The following AUTS2 variants were observed in gnomAD, a reference collection of about 807,000 sequenced individuals.
AUTS2 encodes the protein autism susceptibility gene 2 protein.
AUTS2 carries 17 observed loss-of-function variants against 112.4 expected under a neutral mutation model. That is an observed-to-expected ratio of 0.15 (90% CI 0.10 to 0.23). The LOEUF (loss-of-function observed/expected upper bound fraction) is 0.23. AUTS2 is among the 10% of genes least tolerant of loss of function. The pLI, the probability that AUTS2 is intolerant of heterozygous loss-of-function variation, is 1.00. For missense variants in AUTS2, 1,510 were observed against 1,701.6 expected (o/e 0.89, Z 1.98); for synonymous variants, 751 against 702.7 (o/e 1.07, Z -1.09).
chr7:70,117,117 GTTTTTTTTTGT>G (rs1262358284), intron 2 of AUTS2, among the ~76,000 whole-genome samples: 10 of 73,104 alleles, frequency 1.4e-4, no homozygotes, highest in African/African-American at 5.2e-4. Flanking sequence ...TTTTTTTTTT[GTTTTTTTTTGT>G]TTTTTTTTGT....
chr7:69,851,228 T>TA (rs1439542309), intron 1 of AUTS2, among the ~76,000 whole-genome samples: 1 of 152,200 alleles, frequency 6.6e-6, no homozygotes, highest in Non-Finnish European at 1.5e-5. Flanking sequence ...GCCAGTCCCT[T>TA]ACTGTATTGA....
intron 5 of AUTS2, among the ~76,000 whole-genome samples, chr7:70,439,867 C>T (rs1585147115): frequency 6.6e-6 from 1 of 152,142 alleles, no homozygotes; most frequent in Non-Finnish European, 1.5e-5. Context: ...GATTAAAAGT[C>T]ATTCCCTGTT....
rs561605574 is a variant in AUTS2 at position 70,446,564 on chromosome 7, G to A, written c.690+10783G>A. Among the ~76,000 whole-genome samples, 20 of 152,280 alleles carry A rather than the reference G, an allele frequency of 1.3e-4. 1 individual carries two copies. The highest frequency in any genetic ancestry group is 2.4e-4 in the African/African-American group (10 of 41,556). On this transcript the variant is annotated intron_variant, in intron 5 of 18. Transcript: ENST00000342771. The stretch of plus-strand genomic sequence containing the variant: ...TGGGTTAGTTGAAGTGATATTTTCC[G>A]CTAATGGTAGTCGTACATCATTGCT...
chr7:69,891,289 C>T (rs1026279902), intron 1 of AUTS2, among the ~76,000 whole-genome samples: 2 of 152,182 alleles, frequency 1.3e-5, no homozygotes, highest in African/African-American at 4.8e-5. Flanking sequence ...GAGACGTATT[C>T]ATGCCACCTG....
At chr7:70,106,820 A>C (rs1285709095) in intron 2 of AUTS2, among the ~76,000 whole-genome samples, 1 of 152,192 alleles carries the variant, frequency 6.6e-6, no homozygotes. Context: ...AGTGATTGTT[A>C]GTACACATTT....
chr7:69,918,444 C>T (rs923973999), intron 2 of AUTS2, among the ~76,000 whole-genome samples: 14 of 151,990 alleles, frequency 9.2e-5, no homozygotes, highest in African/African-American at 2.7e-4. Flanking sequence ...TTCATTGTTA[C>T]GAGGTAACTT....
intron 2 of AUTS2, among the ~76,000 whole-genome samples, chr7:70,003,210 ATATAT>A (rs1799289751): frequency 7.4e-6 from 1 of 134,332 alleles, no homozygotes; most frequent in African/African-American, 2.8e-5. Context: ...TTATATATGA[ATATAT>A]TATATATGAA....
chr7:70,605,711 A>G (rs1266727802), intron 5 of AUTS2, among the ~76,000 whole-genome samples: 4 of 151,978 alleles, frequency 2.6e-5, no homozygotes, highest in Non-Finnish European at 5.9e-5. Context: ...AAAATACAAC[A>G]TAGCGATGAA....
chr7:69,901,964 TACA>T (rs1794985649), intron 2 of AUTS2, among the ~76,000 whole-genome samples: 1 of 152,180 alleles, frequency 6.6e-6, no homozygotes, highest in African/African-American at 2.4e-5. Context: ...ATAACACAAA[TACA>T]GTGTTGTAAA....
At chr7:69,950,649 A>G (rs906323384) in intron 2 of AUTS2, among the ~76,000 whole-genome samples, 12 of 152,114 alleles carry the variant, frequency 7.9e-5, no homozygotes, top group Admixed American at 5.2e-4. Flanking sequence ...TGATCACCTT[A>G]TACCCAAGCA....
intron 1 of AUTS2, among the ~76,000 whole-genome samples, chr7:69,770,761 T>G (rs190002254): frequency 3.9e-5 from 6 of 151,948 alleles, no homozygotes; most frequent in Admixed American, 2.0e-4. Flanking sequence ...TAGCTTGTCT[T>G]TCATTACTTT....
chr7:70,122,099 G>A (rs539497173), intron 3 of AUTS2, among the ~76,000 whole-genome samples: 19 of 152,298 alleles, frequency 1.2e-4, no homozygotes, highest in South Asian at 8.3e-4. Context: ...GACAAATATT[G>A]TATGATTCCA....
chr7:70,259,950 G>T (rs1406703821), intron 4 of AUTS2, among the ~76,000 whole-genome samples: 1 of 145,270 alleles, frequency 6.9e-6, no homozygotes, highest in Non-Finnish European at 1.5e-5. Context: ...GGTTAAAACT[G>T]TGAATCAAGA....
At chr7:69,755,763 G>A (rs976597735) in intron 1 of AUTS2, among the ~76,000 whole-genome samples, 4 of 152,110 alleles carry the variant, frequency 2.6e-5, no homozygotes, top group Non-Finnish European at 4.4e-5. Context: ...CTAGAGCTTT[G>A]CCTTTGACTT....
chr7:70,378,992 C>A (rs539880226), intron 4 of AUTS2, among the ~76,000 whole-genome samples: 5 of 152,056 alleles, frequency 3.3e-5, no homozygotes, highest in African/African-American at 1.2e-4. Flanking sequence ...CCATTTTATT[C>A]GTATCTCTTC....
chr7:69,964,297 G>A (rs1040085255), intron 2 of AUTS2, among the ~76,000 whole-genome samples: 2 of 152,146 alleles, frequency 1.3e-5, no homozygotes, highest in Non-Finnish European at 2.9e-5. Flanking sequence ...TCACTGTAGT[G>A]TTTGATCCAG....
At chr7:70,500,914 G>T (rs1447317182) in intron 5 of AUTS2, among the ~76,000 whole-genome samples, 1 of 151,888 alleles carries the variant, frequency 6.6e-6, no homozygotes, top group Non-Finnish European at 1.5e-5. Flanking sequence ...GTAGAGATGG[G>T]GTTTCACCAT....
chr7:69,855,400 C>T (rs888396122), intron 1 of AUTS2, among the ~76,000 whole-genome samples: 18 of 152,218 alleles, frequency 1.2e-4, no homozygotes, highest in Admixed American at 1.0e-3. Flanking sequence ...AGAAACCTGA[C>T]ACCTGTAGAG....
chr7:70,765,160 C>T (rs1304563226), intron 8 of AUTS2, among the ~76,000 whole-genome samples, 155 bp downstream of exon 8: 1 of 152,128 alleles, frequency 6.6e-6, no homozygotes, highest in Non-Finnish European at 1.5e-5. Flanking sequence ...GGCCTGAGGT[C>T]CAGCAAAAAT....
Sources: gnomAD v4.1 joint callset for allele counts (sites outside exome capture counted in the v4.1 genomes callset) on GRCh38, gnomAD v4.1.1 for gene constraint, MANE v1.5 for transcripts, NCBI Gene and HGNC (gene_info 2026-07-23, HGNC 2026-07-21) for gene names.